Variants in EDARADD observed in about 807,000 individuals in gnomAD.
EDARADD encodes the protein ectodysplasin-A receptor-associated adapter protein.
A neutral mutation model predicts 25.6 loss-of-function variants in EDARADD; 20 were observed. That is an observed-to-expected ratio of 0.78 (90% confidence interval 0.55 to 1.14). EDARADD has a LOEUF of 1.14. Ranked by LOEUF, EDARADD falls within the 50% of genes most tolerant of loss-of-function variation. The pLI, the probability that EDARADD is intolerant of heterozygous loss-of-function variation, is 0.00. For synonymous variants in EDARADD, 86 were observed against 94.4 expected, an observed-to-expected ratio of 0.91 and a Z score of 0.52; for missense variants, 225 against 270.1, an observed-to-expected ratio of 0.83 and a Z score of 1.17.
intron 4 of EDARADD, among the ~76,000 whole-genome samples, chr1:236,442,622 G>A (rs1658430838): frequency 6.6e-6 from 1 of 152,232 alleles, no homozygotes; most frequent in Non-Finnish European, 1.5e-5. Context: ...TACTCTGTCT[G>A]TGCTGTGCTC....
upstream of EDARADD, among the ~76,000 whole-genome samples, chr1:236,393,387 C>CTTTGTTTTTTTTTTTT (rs1667453006): frequency 1.2e-5 from 1 of 86,328 alleles, no homozygotes; most frequent in African/African-American, 5.2e-5. Flanking sequence ...TTCTTTCTTT[C>CTTTGTTTTTTTTTTTT]TTTCTTTTTT....
chr1:236,405,870 C>CTTTCTTTCT (rs1558112769), intron 1 of EDARADD, among the ~76,000 whole-genome samples: 13 of 37,528 alleles, frequency 3.5e-4, no homozygotes, highest in Admixed American at 1.6e-3. Context: ...TCCTTCCTTC[C>CTTTCTTTCT]TTCCTTCTTT....
upstream of EDARADD, among the ~76,000 whole-genome samples, chr1:236,393,471 C>T (rs1174402174): frequency 1.5e-5 from 2 of 133,742 alleles, no homozygotes; most frequent in Non-Finnish European, 3.1e-5. Context: ...TCTCAGCTTA[C>T]TGCAACCTCC....
Position 236,478,383 on chromosome 1 carries a change from G to GTGTGTT in EDARADD, c.266-3881_266-3880insGTTTGT, listed in dbSNP as rs1558138560. On this transcript the variant is annotated intron_variant, in intron 5 of 5. Transcript: ENST00000334232. ...TATGTGTGTGTGTGTGTGTGTGTGT[G>GTGTGTT]TGTATGGATTTATATATATATATAA... Among the ~76,000 whole-genome samples the GTGTGTT allele has an allele frequency of 6.0e-3, 899 of 148,920 alleles. 15 individuals are homozygous for GTGTGTT. Among genetic ancestry groups the GTGTGTT allele is most frequent in the African/African-American group, 0.021 (859 of 40,682 alleles).
At chr1:236,370,939 C>T (rs1667166279) in intron 3 of EDARADD, among the ~76,000 whole-genome samples, 1 of 152,180 alleles carries the variant, frequency 6.6e-6, no homozygotes, top group South Asian at 2.1e-4. Flanking sequence ...TCAGCCTACA[C>T]CCAGGAATAA....
At chr1:236,453,401 C>A (rs996621404) in intron 4 of EDARADD, among the ~76,000 whole-genome samples, 5 of 151,848 alleles carry the variant, frequency 3.3e-5, no homozygotes, top group South Asian at 2.1e-4. Flanking sequence ...CTCAGCCTCC[C>A]AAGTAGCTGG....
rs1659746918 is a variant in EDARADD, at chr1:236,483,609, G to A, written c.*960G>A. ...CTCCAAAGTCATCTTGCCAGTCCCG[G>A]TGTTCAATGTCATCAATGGCAGTTC... On this transcript the variant is annotated 3_prime_UTR_variant, in exon 6 of 6. Transcript: ENST00000334232. 1 of 1,524,472 alleles carries A rather than the reference G, an allele frequency of 6.6e-7. No individual in the cohort carries two copies. The highest frequency in any genetic ancestry group is 9.1e-7 in the Non-Finnish European group (1 of 1,100,448). The allele number at this position is 1,524,472 out of a possible 1,614,324, so 94.4% of individuals were successfully genotyped here.
At chr1:236,408,483 C>T (rs1441155237) in intron 1 of EDARADD, among the ~76,000 whole-genome samples, 1 of 152,000 alleles carries the variant, frequency 6.6e-6, no homozygotes, top group South Asian at 2.1e-4. Flanking sequence ...GGATTACAGG[C>T]GTGAGCCACT....
chr1:236,445,816 C>G (rs574014659), intron 4 of EDARADD, among the ~76,000 whole-genome samples: 1 of 152,328 alleles, frequency 6.6e-6, no homozygotes, highest in South Asian at 2.1e-4. Flanking sequence ...ACCATCTGTT[C>G]ATGTTCCAGA....
chr1:236,451,209 G>A (rs1350580329), intron 4 of EDARADD, among the ~76,000 whole-genome samples: 1 of 152,110 alleles, frequency 6.6e-6, no homozygotes, highest in Non-Finnish European at 1.5e-5. Flanking sequence ...GAGCTAGATG[G>A]ACCTTCTCAG....
intron 4 of EDARADD, among the ~76,000 whole-genome samples, chr1:236,450,730 G>A (rs1244850767): frequency 1.3e-5 from 2 of 152,078 alleles, no homozygotes; most frequent in East Asian, 1.9e-4. Flanking sequence ...TGTAGTTTTA[G>A]TAGAGACGGG....
chr1:236,382,424 T>TA (rs1667312131), intron 3 of EDARADD, among the ~76,000 whole-genome samples: 1 of 152,246 alleles, frequency 6.6e-6, no homozygotes, highest in African/African-American at 2.4e-5. Context: ...TCCTTCTTAC[T>TA]AACTGTATCA....
chr1:236,398,586 G>A lies in EDARADD; in HGVS notation c.61+4081G>A, dbSNP rs187081671. On this transcript the variant is annotated intron_variant, in intron 1 of 5. Transcript: ENST00000334232. The surrounding 1 kb of genome is among the most constrained non-coding windows in gnomAD (Gnocchi z 4.1). ...TGACCCCTGCTCTCTGCACGCAGCC[G>A]TGCTGCCTCCTTTCATTTCCTTGAA... Among the ~76,000 whole-genome samples the A allele has an allele frequency of 1.4e-3, 209 of 152,282 alleles. 2 individuals carry two copies. The highest frequency in any genetic ancestry group is 7.3e-3 in the South Asian group (35 of 4,824).
chr1:236,391,820 A>C (rs1667429437), upstream of EDARADD, among the ~76,000 whole-genome samples: 1 of 152,232 alleles, frequency 6.6e-6, no homozygotes, highest in Non-Finnish European at 1.5e-5. Flanking sequence ...TTGTGAAAAG[A>C]CATGAGACCA....
intron 3 of EDARADD, among the ~76,000 whole-genome samples, chr1:236,361,837 G>A (rs1183076605): frequency 6.6e-6 from 1 of 151,726 alleles, no homozygotes; most frequent in Non-Finnish European, 1.5e-5. Context: ...GTTGTTTCCA[G>A]TTTGGGGCTA....
intron 4 of EDARADD, among the ~76,000 whole-genome samples, chr1:236,449,034 T>G (rs1658638382): frequency 6.6e-6 from 1 of 152,168 alleles, no homozygotes; most frequent in Non-Finnish European, 1.5e-5. Flanking sequence ...AGTGTTGGAC[T>G]CTCCTGAGGG....
At chr1:236,365,774 A>C (rs949293543) in intron 3 of EDARADD, among the ~76,000 whole-genome samples, 1 of 152,108 alleles carries the variant, frequency 6.6e-6, no homozygotes, top group African/African-American at 2.4e-5. Context: ...AAGTTGTCCT[A>C]CAGTTAACTA....
Position 236,484,804 on chromosome 1 carries a change from A to G in EDARADD, c.*2155A>G, listed in dbSNP as rs1233606910. On this transcript the variant is annotated 3_prime_UTR_variant, in exon 6 of 6. Coordinates refer to ENST00000334232, the MANE Select transcript of EDARADD (RefSeq NM_145861.4). The surrounding 1 kb of genome is among the most constrained non-coding windows in gnomAD (Gnocchi z 4.1). Reference sequence around the variant, plus strand: ...TGCAGTCATGTAATTGGCCCAAATCACCGGAGCCACGTGACCCTCCAGTGT... The same window carrying G: ...TGCAGTCATGTAATTGGCCCAAATCGCCGGAGCCACGTGACCCTCCAGTGT... 6 of 187,496 alleles carry G rather than the reference A, an allele frequency of 3.2e-5. No homozygotes were observed. In the Admixed American group the frequency reaches 3.3e-4, roughly 10 times the overall value. The allele number at this position is 187,496 out of a possible 1,614,324, so 11.6% of individuals were successfully genotyped here.
At chr1:236,463,935 C>T (rs560659842) in intron 4 of EDARADD, among the ~76,000 whole-genome samples, 129 of 152,284 alleles carry the variant, frequency 8.5e-4, no homozygotes, top group Admixed American at 2.4e-3. Flanking sequence ...GTGGGGTGCA[C>T]GGACAGGGTG....
Sources: allele counts gnomAD v4.1 joint callset (sites outside exome capture counted in the v4.1 genomes callset), GRCh38; gene constraint gnomAD v4.1.1; non-coding constraint Gnocchi (gnomAD v3.1); transcripts MANE v1.5; gene names NCBI Gene and HGNC (gene_info 2026-07-23, HGNC 2026-07-21).